The following ARHGEF18 variants were observed in gnomAD, a reference collection of about 807,000 sequenced individuals.
ARHGEF18 encodes the protein rho guanine nucleotide exchange factor 18.
Under a neutral mutation model 155.7 loss-of-function variants are expected in ARHGEF18, and 93 were observed. The observed-to-expected ratio is 0.60, with a 90% confidence interval of 0.50 to 0.71. The LOEUF is 0.71. Ranked by LOEUF, ARHGEF18 falls within the 30% of genes least tolerant of loss-of-function variation. The pLI is 0.00. For missense variants in ARHGEF18, 1,593 were observed against 1,816.1 expected (o/e 0.88, Z 2.23); for synonymous variants, 742 against 753.1 (o/e 0.99, Z 0.24).
chr19:7,357,824 T>C lies in ARHGEF18; in HGVS notation c.-110-4957T>C, dbSNP rs373019056. On this transcript the variant is annotated intron_variant, in intron 1 of 28. Coordinates refer to ENST00000668164, the MANE Select transcript of ARHGEF18 (RefSeq NM_001367823.1). ...CTTCAGTGAAGGGTCCCAGTGCCCC[T>C]TCCCCATCAACTGCCCCCATTACCC... Among the ~76,000 whole-genome samples the C allele has an allele frequency of 5.9e-5, 9 of 152,096 alleles. 1 individual carries two copies. The highest frequency in any genetic ancestry group is 5.2e-4 in the Admixed American group (8 of 15,262).
At chr19:7,457,470 C>A (rs1053110812) in intron 18 of ARHGEF18, among the ~76,000 whole-genome samples, 2 of 143,304 alleles carry the variant, frequency 1.4e-5, no homozygotes, top group East Asian at 2.2e-4. Context: ...TCAAGTGATT[C>A]TCCTGCCTCA....
chr19:7,352,785 G>A (rs1234482829), intron 1 of ARHGEF18, among the ~76,000 whole-genome samples: 3 of 142,218 alleles, frequency 2.1e-5, no homozygotes, highest in African/African-American at 2.6e-5. Context: ...CGCCCACCTC[G>A]GCCTCCCAAA....
intron 10 of ARHGEF18, among the ~76,000 whole-genome samples, chr19:7,400,301 G>A (rs530035606): frequency 1.3e-5 from 2 of 152,130 alleles, no homozygotes; most frequent in African/African-American, 4.8e-5. Flanking sequence ...ACAGTCATCA[G>A]TATTTAATTC....
rs71177202 is a variant in ARHGEF18, at chr19:7,367,894, T to TATACACATATATA, written c.16-4918_16-4917insATACACATATATA. 7.8e-5 allele frequency among the ~76,000 whole-genome samples: 6 copies of TATACACATATATA among 76,748 alleles called. 2 individuals are homozygous for TATACACATATATA. Among genetic ancestry groups the TATACACATATATA allele is most frequent in the Non-Finnish European group, 8.9e-5 (4 of 44,918 alleles). 50.3% of individuals were successfully genotyped at this position (76,748 alleles called of 152,430 possible). On this transcript the variant is annotated intron_variant, in intron 2 of 28. Transcript: ENST00000668164. ...TTTATATATATATATTTTATATATA[T>TATACACATATATA]TTTTTATATATATATATTTTATATA...
rs1407049790 is a variant in ARHGEF18, at chr19:7,441,480, A to G, written c.1107-173A>G. 3.9e-5 allele frequency among the ~76,000 whole-genome samples: 6 copies of G among 152,030 alleles called. No homozygotes were observed. In the East Asian group the frequency reaches 1.2e-3, roughly 29 times the overall value. ...CAGGCGTGAGACACTGCACCTGGCA[A>G]ATCTCCCAATTTTTAAAAATGATCT... On this transcript the variant is annotated intron_variant, in intron 11 of 28. Transcript: ENST00000668164.
rs1055551898 is a variant in ARHGEF18, at chr19:7,382,843, G to C, written c.774G>C (p.Val258=). 7 of 1,232,504 alleles carry C rather than the reference G, an allele frequency of 5.7e-6. No homozygotes were observed. Among genetic ancestry groups the C allele is most frequent in the Non-Finnish European group, 6.1e-6 (6 of 988,114 alleles). The allele number at this position is 1,232,504 out of a possible 1,614,324, so 76.3% of individuals were successfully genotyped here. Residue 258 remains valine, a synonymous_variant, in exon 9 of 29, where the codon GTG becomes GTC. Transcript: ENST00000668164. ...AGAAGAGTGACAAGAGTACCAGTGT[G>C]AAGCGCAGGCTGAGCTGCCTCCGCA... is the stretch of plus-strand genomic sequence containing the variant. ...KNEKSDKSTS[V]KRRLSCLRSR...
At chr19:7,414,793 G>A (rs1203298201) in intron 10 of ARHGEF18, among the ~76,000 whole-genome samples, 1 of 137,352 alleles carries the variant, frequency 7.3e-6, no homozygotes, top group Non-Finnish European at 1.6e-5. Flanking sequence ...TGGCGACTGC[G>A]AGACTCTGTC....
intron 10 of ARHGEF18, among the ~76,000 whole-genome samples, chr19:7,437,295 G>A (rs971413109): frequency 1.3e-5 from 2 of 148,890 alleles, no homozygotes; most frequent in African/African-American, 5.0e-5. Flanking sequence ...GGGTGTGGTG[G>A]CACATGCCTG....
intron 2 of ARHGEF18, among the ~76,000 whole-genome samples, chr19:7,372,476 GAA>G (rs66871458): frequency 6.8e-6 from 1 of 147,434 alleles, no homozygotes; most frequent in African/African-American, 2.5e-5. Context: ...GTACCAAAAA[GAA>G]AAAAAAAAAG....
chr19:7,369,478 A>G (rs1970101690), intron 2 of ARHGEF18, among the ~76,000 whole-genome samples: 1 of 151,134 alleles, frequency 6.6e-6, no homozygotes, highest in Non-Finnish European at 1.5e-5. Context: ...AAAAAGAAAA[A>G]AAAAAGGAAA....
chr19:7,370,315 G>A (rs1410865233), intron 2 of ARHGEF18, among the ~76,000 whole-genome samples: 1 of 152,080 alleles, frequency 6.6e-6, no homozygotes, highest in African/African-American at 2.4e-5. Flanking sequence ...CTAACACAGG[G>A]AAACTCCATC....
In ARHGEF18 at chr19:7,462,040, T is replaced by C. The variant is rs1976298587; in HGVS notation, c.2453-112T>C. On this transcript the variant is annotated intron_variant, in intron 20 of 28. Transcript: ENST00000668164. The surrounding 1 kb of genome is among the most constrained non-coding windows in gnomAD (Gnocchi z 4.4). ...GAATGCAGGACACAAGGGGGCAGCC[T>C]ACCTCAGGGCAGGGCCAGCGGGGTT... The C allele has an allele frequency of 1.6e-6, 2 of 1,255,680 alleles. No homozygotes were observed. Among genetic ancestry groups the C allele is most frequent in the Non-Finnish European group, 2.3e-6 (2 of 873,988 alleles). 77.8% of individuals were successfully genotyped at this position (1,255,680 alleles called of 1,614,324 possible). A position where few individuals can be genotyped will look rare whatever the true frequency, so the allele number is the denominator to read the frequency against.
chr19:7,411,613 C>T (rs987970490), intron 10 of ARHGEF18, among the ~76,000 whole-genome samples: 3 of 152,060 alleles, frequency 2.0e-5, no homozygotes, highest in African/African-American at 7.2e-5. Flanking sequence ...AGCCAAGTGG[C>T]ATCTTTTTTT....
Position 7,462,622 on chromosome 19 carries a change from C to T in ARHGEF18, c.2635+288C>T, listed in dbSNP as rs1156698920. 1.3e-5 allele frequency among the ~76,000 whole-genome samples: 2 copies of T among 148,160 alleles called. No homozygotes were observed. The highest frequency in any genetic ancestry group is 2.9e-5 in the Non-Finnish European group (2 of 68,010). On this transcript the variant is annotated intron_variant, in intron 21 of 28. Transcript: ENST00000668164. The surrounding 1 kb of genome is among the most constrained non-coding windows in gnomAD (Gnocchi z 4.4). ...TGCATGCAGAGGCTCTAAGCCGGGCCGTGGGGAGGATCTGAAGTTGACTAA... is the reference window on the plus strand; with the variant it reads ...TGCATGCAGAGGCTCTAAGCCGGGCTGTGGGGAGGATCTGAAGTTGACTAA...
rs34609858 is a variant in ARHGEF18 at position 7,431,510 on chromosome 19, CAAAAAAAAAAA to C, written c.968-8821_968-8811del. On this transcript the variant is annotated intron_variant, in intron 10 of 28. Transcript: ENST00000668164. ...TGGACGACAGAGTGAGACTCCATCT[CAAAAAAAAAAA>C]AAAAAAAAAAAAGGCCGGGCTCAGT... Among the ~76,000 whole-genome samples, 23 of 51,294 alleles carry C rather than the reference CAAAAAAAAAAA, an allele frequency of 4.5e-4. 1 individual carries two copies. Among genetic ancestry groups the C allele is most frequent in the Non-Finnish European group, 6.6e-4 (19 of 28,802 alleles). The allele number at this position is 51,294 out of a possible 152,430, so 33.7% of individuals were successfully genotyped here. A position where few individuals can be genotyped will look rare whatever the true frequency, so the allele number is the denominator to read the frequency against.
rs35712455 is a variant in ARHGEF18 at position 7,458,297 on chromosome 19, T to TA, written c.2182-192dup. 9.8e-3 allele frequency among the ~76,000 whole-genome samples: 906 copies of TA among 92,306 alleles called. 15 individuals are homozygous for TA. Among genetic ancestry groups the TA allele is most frequent in the African/African-American group, 0.029 (628 of 21,866 alleles). The allele number at this position is 92,306 out of a possible 152,430, so 60.6% of individuals were successfully genotyped here. On this transcript the variant is annotated intron_variant, in intron 18 of 28. Transcript: ENST00000668164. ...GCAAGACCTGGCCTCCAAGATAGTT[T>TA]AAAAAAAAAAAAAAAAAAAAAAAGG...
At chr19:7,355,385 A>G (rs1426662306) in intron 1 of ARHGEF18, among the ~76,000 whole-genome samples, 1 of 152,140 alleles carries the variant, frequency 6.6e-6, no homozygotes, top group Admixed American at 6.5e-5. Flanking sequence ...CCAGGGTAAG[A>G]GGCCTGTAAG....
At chr19:7,393,841 A>G (rs1237523384) in intron 10 of ARHGEF18, among the ~76,000 whole-genome samples, 1 of 146,642 alleles carries the variant, frequency 6.8e-6, no homozygotes, top group African/African-American at 2.5e-5. Flanking sequence ...ACCTATGTGG[A>G]GTGTCTGACA....
Position 7,444,126 on chromosome 19 carries a change from A to G in ARHGEF18, c.1361-78A>G. 6.4e-7 allele frequency: 1 copy of G among 1,561,458 alleles called. No homozygotes were observed. Among genetic ancestry groups the G allele is most frequent in the Admixed American group, 1.8e-5 (1 of 56,044 alleles). ...TCTCAGAAGCCAGTTCAGCACGTGA[A>G]GGGCAGGCAGCACCCACGACTGCCC... On this transcript the variant is annotated intron_variant, in intron 13 of 28. Transcript: ENST00000668164. This position sits in a 1 kb window ranked among gnomAD's most constrained non-coding sequence, Gnocchi z 4.7.
Sources: allele counts gnomAD v4.1 joint callset (sites outside exome capture counted in the v4.1 genomes callset), GRCh38; gene constraint gnomAD v4.1.1; non-coding constraint Gnocchi (gnomAD v3.1); transcripts MANE v1.5; gene names NCBI Gene and HGNC (gene_info 2026-07-23, HGNC 2026-07-21).